Variants in PAPPA2 observed in about 807,000 individuals in gnomAD.
PAPPA2 encodes pappalysin-2.
Under a neutral mutation model 176.4 loss-of-function variants are expected in PAPPA2, and 86 were observed. The ratio of observed to expected loss-of-function variants is 0.49; its 90% CI spans 0.41 to 0.58. The LOEUF (loss-of-function observed/expected upper bound fraction) is 0.58. Among genes scored for constraint, PAPPA2 ranks in the 20% least tolerant of loss-of-function variants. The pLI is 0.00. For synonymous variants in PAPPA2, 809 were observed against 852.2 expected (o/e 0.95, Z 0.88); for missense variants, 2,073 against 2,256.9 (o/e 0.92, Z 1.65).
intron 1 of PAPPA2, among the ~76,000 whole-genome samples, chr1:176,523,687 G>T (rs1649326808): frequency 6.6e-6 from 1 of 152,158 alleles, no homozygotes; most frequent in South Asian, 2.1e-4. Context: ...ATTCGAGGAA[G>T]TCAAATATGA....
Position 176,765,801 on chromosome 1 carries a change from T to A in PAPPA2, c.4287T>A (p.Leu1429=). Residue 1429 remains leucine, a synonymous_variant, in exon 15 of 23, where the codon CTT becomes CTA. Coordinates refer to ENST00000367662, the MANE Select transcript of PAPPA2 (RefSeq NM_020318.3). ...CAITCQRGFA[L]QASSGQYIRP... Reference sequence around the variant, plus strand: ...TCACTTGTCAAAGGGGATTTGCCCTTCAGGCCAGCAGTGGGCAGTACATCA... The same window carrying A: ...TCACTTGTCAAAGGGGATTTGCCCTACAGGCCAGCAGTGGGCAGTACATCA... 6.2e-7 allele frequency: 1 copy of A among 1,614,164 alleles called. No homozygotes were observed. The highest frequency in any genetic ancestry group is 8.5e-7 in the Non-Finnish European group (1 of 1,180,012).
At chr1:176,802,179 C>T (rs1456074079) in intron 21 of PAPPA2, among the ~76,000 whole-genome samples, 1 of 152,108 alleles carries the variant, frequency 6.6e-6, no homozygotes, top group Non-Finnish European at 1.5e-5. Context: ...TTGAGAACCA[C>T]CGCCCCAACC....
At chr1:176,790,126 A>G (rs1019478313) in intron 18 of PAPPA2, 149 bp downstream of exon 18, 1 of 888,548 alleles carries the variant, frequency 1.1e-6, no homozygotes, top group Admixed American at 2.8e-5. Flanking sequence ...ATGCAATAGA[A>G]AATTCAGAAA....
chr1:176,679,668 G>T (rs2102788133), intron 4 of PAPPA2, among the ~76,000 whole-genome samples: 1 of 152,228 alleles, frequency 6.6e-6, no homozygotes, highest in Non-Finnish European at 1.5e-5. Flanking sequence ...AAGGAAGGCT[G>T]GTGCAAAACT....
intron 3 of PAPPA2, among the ~76,000 whole-genome samples, chr1:176,641,657 G>C (rs1402324634): frequency 6.6e-6 from 1 of 151,926 alleles, no homozygotes; most frequent in Admixed American, 6.6e-5. Context: ...GGTTTACTTA[G>C]TATAGGAGGT....
chr1:176,639,206 G>A (rs1433264097), intron 3 of PAPPA2, among the ~76,000 whole-genome samples: 3 of 151,976 alleles, frequency 2.0e-5, no homozygotes, highest in Non-Finnish European at 4.4e-5. Context: ...TTCTCTGTTA[G>A]TTATTTTTGG....
At chr1:176,719,896 T>G (rs1661545241) in intron 12 of PAPPA2, among the ~76,000 whole-genome samples, 1 of 152,204 alleles carries the variant, frequency 6.6e-6, no homozygotes, top group African/African-American at 2.4e-5. Flanking sequence ...AGTTTCTGTG[T>G]GAATGAAATA....
chr1:176,522,033 C>G (rs955336686), intron 1 of PAPPA2, among the ~76,000 whole-genome samples: 3 of 152,156 alleles, frequency 2.0e-5, no homozygotes, highest in African/African-American at 7.2e-5. Context: ...TCTAGGGGAA[C>G]TATTTCCCTC....
chr1:176,743,453 A>G (rs1662773880), intron 14 of PAPPA2, among the ~76,000 whole-genome samples: 1 of 152,164 alleles, frequency 6.6e-6, no homozygotes, highest in South Asian at 2.1e-4. Context: ...TTTGGCCACC[A>G]GTGCTCAAGA....
At chr1:176,555,341 A>G (rs1299678868) in intron 1 of PAPPA2, 66 bp from the exon 2 acceptor site, 3 of 152,318 alleles carry the variant, frequency 2.0e-5, no homozygotes, top group Non-Finnish European at 2.9e-5. Context: ...GGAGCAGGAG[A>G]GACTGGAGAG....
chr1:176,481,252 GCACACACA>G (rs56206580), intron 1 of PAPPA2, among the ~76,000 whole-genome samples: 187 of 140,310 alleles, frequency 1.3e-3, no homozygotes, highest in African/African-American at 2.1e-3. Context: ...AGATTTTAAA[GCACACACA>G]CACACACACA....
intron 1 of PAPPA2, among the ~76,000 whole-genome samples, chr1:176,534,952 C>G (rs1649992706): frequency 6.6e-6 from 1 of 152,132 alleles, no homozygotes; most frequent in South Asian, 2.1e-4. Flanking sequence ...GTCTTGCTTA[C>G]TGGGGTGCGA....
intron 1 of PAPPA2, among the ~76,000 whole-genome samples, chr1:176,546,785 T>C (rs1318823921): frequency 6.6e-6 from 1 of 152,214 alleles, no homozygotes; most frequent in African/African-American, 2.4e-5. Flanking sequence ...ATCAAAGAAG[T>C]AACATGACTT....
At chr1:176,603,249 A>T (rs1414592581) in intron 3 of PAPPA2, among the ~76,000 whole-genome samples, 2 of 152,252 alleles carry the variant, frequency 1.3e-5, no homozygotes, top group Non-Finnish European at 2.9e-5. Context: ...GATTTCACTT[A>T]CAGGTTCCTT....
chr1:176,686,051 A>G (rs1659822064), intron 4 of PAPPA2, among the ~76,000 whole-genome samples: 1 of 152,140 alleles, frequency 6.6e-6, no homozygotes, highest in Non-Finnish European at 1.5e-5. Context: ...CATTTCCCTA[A>G]TAACATCACA....
chr1:176,817,603 A>G (rs1040663433), intron 21 of PAPPA2, among the ~76,000 whole-genome samples: 1 of 152,150 alleles, frequency 6.6e-6, no homozygotes, highest in Non-Finnish European at 1.5e-5. Context: ...AGGAAGAAGT[A>G]ATCATTGAAA....
rs765026167 is a variant in PAPPA2 at position 176,674,734 on chromosome 1, G to GT, written c.2137+3634dup. Among the ~76,000 whole-genome samples, 1,230 of 137,208 alleles carry GT rather than the reference G, an allele frequency of 9.0e-3. 5 individuals are homozygous for GT. Among genetic ancestry groups the GT allele is most frequent in the Non-Finnish European group, 0.012 (749 of 63,216 alleles). The allele number at this position is 137,208 out of a possible 152,430, so 90.0% of individuals were successfully genotyped here. A position where few individuals can be genotyped will look rare whatever the true frequency, so the allele number is the denominator to read the frequency against. On this transcript the variant is annotated intron_variant, in intron 4 of 22. Coordinates refer to ENST00000367662, the MANE Select transcript of PAPPA2 (RefSeq NM_020318.3). The stretch of plus-strand genomic sequence containing the variant: ...TGCTGCTATAAACATGTGTGCAAGT[G>GT]TTTTTTTTTTTTTTTCTTTTCTCCA...
rs187840311 is a variant in PAPPA2 at position 176,757,538 on chromosome 1, A to G, written c.4152-8128A>G. Among the ~76,000 whole-genome samples, 456 of 152,148 alleles carry G rather than the reference A, an allele frequency of 3.0e-3. 1 individual carries two copies. Among genetic ancestry groups the G allele is most frequent in the African/African-American group, 0.01 (430 of 41,526 alleles). The stretch of plus-strand genomic sequence containing the variant: ...AGGTGTCTCTTCATATCCTTTGCCT[A>G]CGTTTTGATGGGCTTGTTTTTTTCT... On this transcript the variant is annotated intron_variant, in intron 14 of 22. Coordinates refer to ENST00000367662, the MANE Select transcript of PAPPA2 (RefSeq NM_020318.3).
intron 3 of PAPPA2, among the ~76,000 whole-genome samples, chr1:176,596,818 A>T (rs1654012729): frequency 6.6e-6 from 1 of 152,326 alleles, no homozygotes; most frequent in East Asian, 1.9e-4. Context: ...CAGGGGTTGG[A>T]CATAATAGAG....
Sources: allele counts gnomAD v4.1 joint callset (sites outside exome capture counted in the v4.1 genomes callset), GRCh38; gene constraint gnomAD v4.1.1; transcripts MANE v1.5; gene names NCBI Gene and HGNC (gene_info 2026-07-23, HGNC 2026-07-21).